CYP4F22: variants seen among roughly 807,000 people sequenced by gnomAD.
CYP4F22 encodes the protein ultra-long-chain fatty acid omega-hydroxylase.
Under a neutral mutation model 60.4 loss-of-function variants are expected in CYP4F22, and 37 were observed. That is an observed-to-expected ratio of 0.61 (90% CI 0.47 to 0.81). The LOEUF (loss-of-function observed/expected upper bound fraction) is 0.81. Among genes scored for constraint, CYP4F22 ranks in the 30% least tolerant of loss-of-function variants. CYP4F22 has a pLI of 0.00. For missense variants in CYP4F22, 655 were observed against 715.0 expected, an observed-to-expected ratio of 0.92 and a Z score of 0.96; for synonymous variants, 258 against 280.5, an observed-to-expected ratio of 0.92 and a Z score of 0.80.
chr19:15,516,783 C>G (rs1971160071), intron 1 of CYP4F22: 2 of 581,790 alleles, frequency 3.4e-6, no homozygotes, highest in Admixed American at 3.2e-5. Flanking sequence ...TCCACTTGCT[C>G]AGAGGATCTC....
chr19:15,508,827 C>CTT (rs1003996674), intron 1 of CYP4F22, among the ~76,000 whole-genome samples: 2 of 145,392 alleles, frequency 1.4e-5, no homozygotes, highest in Non-Finnish European at 3.0e-5. Context: ...GAGTTGTTTT[C>CTT]TTTTTTTTTT....
At chr19:15,541,865 C>CAAAA (rs1052977392) in intron 8 of CYP4F22, among the ~76,000 whole-genome samples, 1 of 99,678 alleles carries the variant, frequency 1.0e-5, no homozygotes, top group East Asian at 2.4e-4. Context: ...AACTCCGTCT[C>CAAAA]AAAAAAAAAA....
intron 7 of CYP4F22, among the ~76,000 whole-genome samples, chr19:15,540,139 A>G (rs1971440790): frequency 6.6e-6 from 1 of 152,054 alleles, no homozygotes; most frequent in Admixed American, 6.6e-5. Context: ...GGCCTGTTCA[A>G]AAATATACCC....
Position 15,548,106 on chromosome 19 carries a change from AG to A in CYP4F22, c.1138del, listed in dbSNP as rs1568364107. 2 of 1,611,606 alleles carry A rather than the reference AG, an allele frequency of 1.2e-6. No homozygotes were observed. Among genetic ancestry groups the A allele is most frequent in the East Asian group, 4.5e-5 (2 of 44,746 alleles). ...CTCTAGTTATATCTCCATTCTCCCC[AG>A]GGACGATCTGACTCAGCTGCCCTTT... On this transcript the variant is annotated splice_acceptor_variant, in intron 10 of 13. Transcript: ENST00000269703. LOFTEE classifies it high-confidence loss of function.
At chr19:15,522,799 C>T (rs1386222058) in intron 1 of CYP4F22, among the ~76,000 whole-genome samples, 2 of 152,148 alleles carry the variant, frequency 1.3e-5, no homozygotes, top group Admixed American at 6.5e-5. Context: ...CAACCTCCGC[C>T]TCCCAGGTTC....
chr19:15,522,253 A>G (rs967790384), intron 1 of CYP4F22, among the ~76,000 whole-genome samples: 2 of 151,324 alleles, frequency 1.3e-5, no homozygotes, highest in East Asian at 1.9e-4. Context: ...TTTTTGTTTC[A>G]GTTGCAACCA....
At chr19:15,513,522 G>A (rs1319464088) in intron 1 of CYP4F22, among the ~76,000 whole-genome samples, 3 of 151,604 alleles carry the variant, frequency 2.0e-5, no homozygotes, top group East Asian at 1.9e-4. Context: ...CCGCCACCTC[G>A]CCCGGCTAAT....
chr19:15,532,304 TTTC>T (rs1480624380), intron 4 of CYP4F22, among the ~76,000 whole-genome samples: 3 of 150,440 alleles, frequency 2.0e-5, no homozygotes, highest in African/African-American at 4.9e-5. Context: ...CTTCTACTTC[TTTC>T]TTCTTCTCCT....
intron 10 of CYP4F22, among the ~76,000 whole-genome samples, chr19:15,544,760 A>C (rs1391502981): frequency 4.6e-5 from 7 of 152,142 alleles, no homozygotes; most frequent in African/African-American, 1.7e-4. Flanking sequence ...AAAGCCATGA[A>C]ATTTAAAAGC....
rs185808992 is a variant in CYP4F22 at position 15,530,624 on chromosome 19, G to A, written c.367+771G>A. ...TTGACTCACAGTTCCGCAGGGCTGG[G>A]GAGGCCTCAGAAAACTTACAATCAT... On this transcript the variant is annotated intron_variant, in intron 4 of 13. Transcript: ENST00000269703. Among the ~76,000 whole-genome samples, 3 of 152,178 alleles carry A rather than the reference G, an allele frequency of 2.0e-5. No homozygotes were observed. In the East Asian group the frequency reaches 5.8e-4, roughly 29 times the overall value.
chr19:15,521,969 ACT>A (rs974334339), intron 1 of CYP4F22, among the ~76,000 whole-genome samples: 6 of 151,744 alleles, frequency 4.0e-5, no homozygotes, highest in African/African-American at 1.5e-4. Context: ...GCATGGTGAA[ACT>A]CTGTCTCTGC....
At chr19:15,511,473 CAA>C (rs1491399228) in intron 1 of CYP4F22, among the ~76,000 whole-genome samples, 3 of 152,034 alleles carry the variant, frequency 2.0e-5, no homozygotes, top group African/African-American at 7.2e-5. Context: ...ACAAAACAAA[CAA>C]ACAACAACAA....
chr19:15,523,202 A>G (rs1971244269), intron 1 of CYP4F22, among the ~76,000 whole-genome samples: 1 of 151,872 alleles, frequency 6.6e-6, no homozygotes, highest in Non-Finnish European at 1.5e-5. Flanking sequence ...TAAAATACAC[A>G]AAAAATAATT....
chr19:15,516,841 T>TC, intron 1 of CYP4F22: 1 of 374,788 alleles, frequency 2.7e-6, no homozygotes, highest in South Asian at 1.0e-4. Context: ...TATTCTTTTT[T>TC]TTTTTTTTTT....
Position 15,551,791 on chromosome 19 carries a change from G to T in CYP4F22, c.*320G>T. On this transcript the variant is annotated 3_prime_UTR_variant, in exon 14 of 14. Transcript: ENST00000269703. ...CCGCCCCCAGGATCCTACGGATTGA[G>T]GTCCTCAGGCCACGCCCCTGCAGAT... The T allele has an allele frequency of 2.2e-6, 1 of 463,398 alleles. No homozygotes were observed. Among genetic ancestry groups the T allele is most frequent in the Non-Finnish European group, 3.9e-6 (1 of 254,404 alleles). 28.7% of individuals were successfully genotyped at this position (463,398 alleles called of 1,614,324 possible).
At chr19:15,510,966 A>ATATATATATATATATATT (rs34055543) in intron 1 of CYP4F22, among the ~76,000 whole-genome samples, 3 of 103,336 alleles carry the variant, frequency 2.9e-5, no homozygotes, top group Non-Finnish European at 5.3e-5. Flanking sequence ...ATATATATAT[A>ATATATATATATATATATT]TTTTTTTTTT....
chr19:15,550,298 A>G (rs576482203), intron 12 of CYP4F22, among the ~76,000 whole-genome samples: 36 of 152,208 alleles, frequency 2.4e-4, no homozygotes, highest in African/African-American at 8.4e-4. Context: ...CAAACAAACA[A>G]ACAAACAAAG....
At chr19:15,525,776 A>G (rs1425593522) in intron 3 of CYP4F22, among the ~76,000 whole-genome samples, 1 of 152,052 alleles carries the variant, frequency 6.6e-6, no homozygotes, top group Non-Finnish European at 1.5e-5. Flanking sequence ...TTTAAAGATG[A>G]ATTATTTTGG....
intron 3 of CYP4F22, among the ~76,000 whole-genome samples, chr19:15,526,100 G>T (rs745765194): frequency 1.2e-4 from 18 of 152,098 alleles, no homozygotes; most frequent in Non-Finnish European, 2.4e-4. Flanking sequence ...GGGAGTTTGA[G>T]GCTGCAGTGA....
Sources: gnomAD v4.1 joint callset for allele counts (sites outside exome capture counted in the v4.1 genomes callset) on GRCh38, gnomAD v4.1.1 for gene constraint, MANE v1.5 for transcripts, NCBI Gene and HGNC (gene_info 2026-07-23, HGNC 2026-07-21) for gene names.